The following SYMPK variants were observed in gnomAD, a reference collection of about 807,000 sequenced individuals.
SYMPK encodes the protein symplekin.
Under a neutral mutation model 136.4 loss-of-function variants are expected in SYMPK, and 49 were observed. The observed-to-expected ratio is 0.36, with a 90% CI of 0.29 to 0.46. SYMPK has a LOEUF of 0.46. Among genes scored for constraint, SYMPK ranks in the 20% least tolerant of loss-of-function variants. The pLI is 1.00. For synonymous variants in SYMPK, 766 were observed against 713.0 expected, an observed-to-expected ratio of 1.07 and a Z score of -1.19; for missense variants, 1,365 against 1,690.0, an observed-to-expected ratio of 0.81 and a Z score of 3.37.
In SYMPK at chr19:45,815,861, G is replaced by T. The variant is rs755358842; in HGVS notation, c.3677C>A (p.Pro1226His). Residue 1226 changes from proline to histidine, a missense_variant, in exon 26 of 27, where the codon CCC becomes CAC. Physicochemically the swap from Pro to His is moderately conservative, Grantham distance 77. Transcript: ENST00000245934. ...AALLDSSLEG[P>H]LPKETAAGGL... ...GGCTGCTCTCCCTACCTTGGGTAGG[G>T]GGCCCTCGAGACTAGAGTCCAACAG... 6.2e-7 allele frequency: 1 copy of T among 1,611,664 alleles called. No individual in the cohort carries two copies. Among genetic ancestry groups the T allele is most frequent in the African/African-American group, 1.3e-5 (1 of 74,822 alleles).
At chr19:45,843,879 G>C in intron 8 of SYMPK, 151 bp downstream of exon 8, 1 of 594,410 alleles carries the variant, frequency 1.7e-6, no homozygotes, top group Non-Finnish European at 2.4e-6. Flanking sequence ...GGGAGGCAGA[G>C]GTTGCAGTGA....
At chr19:45,862,364 T>A (rs1971986502) in intron 1 of SYMPK, 1 of 152,224 alleles carries the variant, frequency 6.6e-6, no homozygotes, top group South Asian at 2.1e-4. Context: ...ATGACTACCC[T>A]GTTTCCCCAA....
At chr19:45,848,553 AT>A (rs1971620724) in intron 6 of SYMPK, among the ~76,000 whole-genome samples, 196 bp downstream of exon 6, 1 of 152,216 alleles carries the variant, frequency 6.6e-6, no homozygotes. Flanking sequence ...CGGATGGTCA[AT>A]GGAAGGAATG....
In SYMPK at chr19:45,818,091, C is replaced by T. The variant is rs1344471541; in HGVS notation, c.2949G>A (p.Val983=). 1.3e-5 allele frequency: 21 copies of T among 1,557,942 alleles called. No individual in the cohort carries two copies. The highest frequency in any genetic ancestry group is 1.7e-5 in the Non-Finnish European group (20 of 1,150,914). Residue 983 remains valine (V), a synonymous_variant, in exon 23 of 27, where the codon GTG becomes GTA. Coordinates refer to ENST00000245934, the MANE Select transcript of SYMPK (RefSeq NM_004819.3). ...TCTGCTCCATCAGCTGCTGCATCAC[C>T]ACGGCCAGCACCTCTGACGTGTACA... ...RNVYTSEVLA[V]VMQQLMEQSP... is the part of the protein sequence containing the mutation.
intron 1 of SYMPK, among the ~76,000 whole-genome samples, chr19:45,857,380 A>C (rs141805174): frequency 0.018 from 2,266 of 122,950 alleles, 70 homozygotes; most frequent in African/African-American, 0.068. Context: ...ACTGTACTCG[A>C]GCCTGGGCGA....
At chr19:45,855,466 G>T (rs759928609) in intron 1 of SYMPK, 2 of 151,950 alleles carry the variant, frequency 1.3e-5, no homozygotes. Context: ...TAGGGAGACT[G>T]GCTGAAAAAA....
intron 1 of SYMPK, among the ~76,000 whole-genome samples, chr19:45,858,052 G>C (rs1297323729): frequency 6.6e-6 from 1 of 152,074 alleles, no homozygotes; most frequent in Non-Finnish European, 1.5e-5. Context: ...GCCCACCTTG[G>C]CCTCCCAAAT....
In SYMPK at chr19:45,816,535, T is replaced by C. The variant is rs774658203; in HGVS notation, c.3301A>G (p.Ser1101Gly). ...PNSIMTILEASGKQEPEAKEA... is the reference protein window; with the variant it reads ...PNSIMTILEAGGKQEPEAKEA... ...TTGGCCTCTGGCTCCTGCTTGCCGC[T>C]GGCCTCCAAGATGGTCATGATGGAG... Residue 1101 changes from serine (S) to glycine (G), a missense_variant, in exon 25 of 27, where the codon AGC (serine) becomes GGC (glycine). By Grantham distance (56) the Ser-to-Gly change is moderately conservative. Around this residue, in one of 11 missense-constraint regions of SYMPK, gnomAD observed 341 missense variants for 270.5 expected, o/e 1.26. Coordinates refer to ENST00000245934, the MANE Select transcript of SYMPK (RefSeq NM_004819.3). 2.5e-6 allele frequency: 4 copies of C among 1,613,588 alleles called. No individual in the cohort carries two copies. In the South Asian group the frequency reaches 4.4e-5, roughly 18 times the overall value.
At chr19:45,849,805 G>C (rs920096497) in intron 5 of SYMPK, among the ~76,000 whole-genome samples, 2 of 152,102 alleles carry the variant, frequency 1.3e-5, no homozygotes, top group Admixed American at 6.5e-5. Flanking sequence ...CAGCACTTTG[G>C]GAGGCTGAGG....
At chr19:45,826,924 G>A (rs909728632) in intron 16 of SYMPK, among the ~76,000 whole-genome samples, 3 of 152,214 alleles carry the variant, frequency 2.0e-5, no homozygotes, top group East Asian at 1.9e-4. Flanking sequence ...ACCACAGCAC[G>A]TGCACATCTG....
At chr19:45,850,217 T>G (rs978321685) in intron 5 of SYMPK, among the ~76,000 whole-genome samples, 2 of 152,118 alleles carry the variant, frequency 1.3e-5, no homozygotes, top group Middle Eastern at 3.4e-3. Flanking sequence ...TGCACCCCAG[T>G]CTGGCCGACA....
intron 11 of SYMPK, among the ~76,000 whole-genome samples, chr19:45,832,446 G>A (rs1266825549): frequency 2.0e-5 from 3 of 152,042 alleles, no homozygotes; most frequent in African/African-American, 4.8e-5. Flanking sequence ...CCAGCCTGTA[G>A]CAGTTTTTAA....
At chr19:45,820,254 T>C (rs1970856586) in intron 22 of SYMPK, 1 of 152,322 alleles carries the variant, frequency 6.6e-6, no homozygotes, top group Admixed American at 6.5e-5. Context: ...GGGCTAGAAC[T>C]TTCCTCAGAT....
At chr19:45,818,296 A>C in intron 22 of SYMPK, 150 bp from the exon 23 acceptor site, 1 of 763,908 alleles carries the variant, frequency 1.3e-6, no homozygotes, top group East Asian at 3.0e-5. Context: ...GACTCCCCCG[A>C]CCCAGCAGAA....
intron 7 of SYMPK, among the ~76,000 whole-genome samples, chr19:45,846,695 CAT>C (rs1971568739): frequency 6.6e-6 from 1 of 152,204 alleles, no homozygotes; most frequent in Non-Finnish European, 1.5e-5. Flanking sequence ...TGAAAGGAAA[CAT>C]AATACTCTTA....
At chr19:45,834,142 G>C (rs527784983) in intron 11 of SYMPK, among the ~76,000 whole-genome samples, 1 of 152,202 alleles carries the variant, frequency 6.6e-6, no homozygotes, top group Non-Finnish European at 1.5e-5. Flanking sequence ...CAAAAAATTA[G>C]CCGGGCGTGG....
Position 45,844,215 on chromosome 19 carries a change from G to A in SYMPK, c.677-15C>T. 1 of 1,558,344 alleles carries A rather than the reference G, an allele frequency of 6.4e-7. No homozygotes were observed. Among genetic ancestry groups the A allele is most frequent in the Non-Finnish European group, 8.7e-7 (1 of 1,151,000 alleles). ...CCATAGCACGTCTAAGAGACAGAGA[G>A]GAGAACCAGTCAGTGGGATCCGTTT... On this transcript the variant is annotated splice_polypyrimidine_tract_variant and intron_variant, in intron 7 of 26. Coordinates refer to ENST00000245934, the MANE Select transcript of SYMPK (RefSeq NM_004819.3).
At chr19:45,836,661 C>T (rs1037067375) in intron 10 of SYMPK, among the ~76,000 whole-genome samples, 12 of 151,842 alleles carry the variant, frequency 7.9e-5, no homozygotes, top group African/African-American at 2.7e-4. Flanking sequence ...TTCTTAGAGA[C>T]AGGGTCTTAC....
rs547843970 is a variant in SYMPK at position 45,823,331 on chromosome 19, T to A, written c.2700+41A>T. ...CTGCCCTGCCCCTCCCAGTCCCACATGTCCCAGGTAGCAGGGACAAACAGG... is the reference window on the plus strand; with the variant it reads ...CTGCCCTGCCCCTCCCAGTCCCACAAGTCCCAGGTAGCAGGGACAAACAGG... On this transcript the variant is annotated intron_variant, in intron 20 of 26. Transcript: ENST00000245934. The A allele has an allele frequency of 2.5e-6, 4 of 1,594,602 alleles. No homozygotes were observed. The South Asian group carries it at 3.3e-5, about 13-fold the overall frequency.
Sources: allele counts gnomAD v4.1 joint callset (sites outside exome capture counted in the v4.1 genomes callset), GRCh38; gene constraint gnomAD v4.1.1; regional missense constraint gnomAD v4.1.1; transcripts MANE v1.5; gene names NCBI Gene and HGNC (gene_info 2026-07-23, HGNC 2026-07-21).